CUL4A: variants seen among roughly 807,000 people sequenced by gnomAD.
The protein encoded by CUL4A is cullin-4A.
CUL4A carries 16 observed loss-of-function variants against 95.5 expected under a neutral mutation model. That is an observed-to-expected ratio of 0.17 (90% CI 0.11 to 0.25). The LOEUF (loss-of-function observed/expected upper bound fraction) is 0.25, where lower values mean the gene tolerates loss of function less well. Among genes scored for constraint, CUL4A ranks in the 10% least tolerant of loss-of-function variants. The pLI is 1.00. For synonymous variants in CUL4A, 380 were observed against 353.1 expected (o/e 1.08, Z -0.85); for missense variants, 610 against 937.0 (o/e 0.65, Z 4.56).
upstream of CUL4A, chr13:113,208,725 C>A: frequency 6.7e-6 from 10 of 1,500,630 alleles, no homozygotes; most frequent in South Asian, 9.9e-5. Flanking sequence ...TGGGTCCTGG[C>A]GCCCCCGGCC....
intron 15 of CUL4A, among the ~76,000 whole-genome samples, chr13:113,247,112 G>C (rs992801807): frequency 6.6e-6 from 1 of 152,076 alleles, no homozygotes; most frequent in Non-Finnish European, 1.5e-5. Flanking sequence ...GGTGGGGGAA[G>C]GTCCCAGACT....
chr13:113,225,060 T>C (rs1244588237), intron 3 of CUL4A, among the ~76,000 whole-genome samples: 1 of 152,054 alleles, frequency 6.6e-6, no homozygotes, highest in Admixed American at 6.5e-5. Flanking sequence ...GTTACAGATA[T>C]GATAGGTAGG....
At chr13:113,255,656 T>C (rs1480773462) in intron 18 of CUL4A, among the ~76,000 whole-genome samples, 1 of 152,176 alleles carries the variant, frequency 6.6e-6, no homozygotes, top group Non-Finnish European at 1.5e-5. Context: ...GTTGGAGTCA[T>C]AGTGTATATA....
At chr13:113,251,282 G>A (rs1023140165) in intron 15 of CUL4A, among the ~76,000 whole-genome samples, 5 of 152,244 alleles carry the variant, frequency 3.3e-5, no homozygotes, top group African/African-American at 9.6e-5. Context: ...AAGAAACCAC[G>A]TGTGTGAAAG....
intron 2 of CUL4A, among the ~76,000 whole-genome samples, chr13:113,213,273 A>G (rs1371352433): frequency 6.6e-6 from 1 of 152,164 alleles, no homozygotes; most frequent in Non-Finnish European, 1.5e-5. Context: ...CTGTAGTCCC[A>G]GCTACTCAGG....
At position 113,237,304 on chromosome 13, in the gene CUL4A, G is replaced by C. The variant is rs148393441; in HGVS notation, c.916+414G>C. Among the ~76,000 whole-genome samples the C allele has an allele frequency of 9.6e-3, 1,462 of 152,314 alleles. 25 individuals carry two copies. The highest frequency in any genetic ancestry group is 0.034 in the African/African-American group (1,409 of 41,560). ...TTTTCGTGAGGCTTCCCTCACCTGC[G>C]GACTTCGTGCATCTTAGTGTCAGAT... On this transcript the variant is annotated intron_variant, in intron 9 of 19. Coordinates refer to ENST00000375440, the MANE Select transcript of CUL4A (RefSeq NM_001008895.4).
intron 15 of CUL4A, among the ~76,000 whole-genome samples, chr13:113,251,375 C>T (rs1411965076): frequency 6.6e-6 from 1 of 152,200 alleles, no homozygotes; most frequent in Non-Finnish European, 1.5e-5. Context: ...CAGGCCAGGT[C>T]TGTGAGATCA....
chr13:113,241,007 A>T (rs1430205523), intron 10 of CUL4A, among the ~76,000 whole-genome samples: 1 of 152,248 alleles, frequency 6.6e-6, no homozygotes, highest in Non-Finnish European at 1.5e-5. Context: ...AATAAAAAAG[A>T]TAAAGCTTAC....
At chr13:113,234,861 T>C (rs887402080) in intron 7 of CUL4A, among the ~76,000 whole-genome samples, 2 of 152,180 alleles carry the variant, frequency 1.3e-5, no homozygotes, top group Non-Finnish European at 2.9e-5. Context: ...AGGATGGATG[T>C]TAATATCAGC....
At chr13:113,250,451 C>T (rs1048052114) in intron 15 of CUL4A, among the ~76,000 whole-genome samples, 1 of 151,960 alleles carries the variant, frequency 6.6e-6, no homozygotes, top group Non-Finnish European at 1.5e-5. Flanking sequence ...GATCCGAGAC[C>T]GTGTCTCAAA....
intron 5 of CUL4A, 42 bp from the exon 6 acceptor site, chr13:113,233,135 A>G: frequency 3.1e-6 from 5 of 1,588,150 alleles, no homozygotes; most frequent in Non-Finnish European, 4.3e-6. Context: ...ACTTCTAAAA[A>G]GCGAAACTAA....
In CUL4A at chr13:113,233,317, T is replaced by A; in HGVS notation, c.653T>A (p.Leu218Gln). The A allele has an allele frequency of 6.2e-7, 1 of 1,613,066 alleles. No individual in the cohort carries two copies. Among genetic ancestry groups the A allele is most frequent in the East Asian group, 2.2e-5 (1 of 44,884 alleles). The change falls in exon 6 of 20, where the codon CTG becomes CAG. Residue 218 changes from leucine to glutamine, a missense_variant. Physicochemically the swap from Leu to Gln is moderately radical, Grantham distance 113 (BLOSUM62 -2). Transcript: ENST00000375440. Reference protein sequence around the residue: ...AVDRSLLRSLLGMLSDLQVYK... With the variant: ...AVDRSLLRSLQGMLSDLQVYK... ...GACCGGAGCCTGTTGCGGAGCCTCC[T>A]GGGCATGCTGTCTGACCTGCAGGTG...
At chr13:113,224,108 T>C (rs1414806451) in intron 3 of CUL4A, among the ~76,000 whole-genome samples, 1 of 152,168 alleles carries the variant, frequency 6.6e-6, no homozygotes, top group Non-Finnish European at 1.5e-5. Flanking sequence ...ATCCCAGTAC[T>C]TTGGGAGGCC....
intron 16 of CUL4A, among the ~76,000 whole-genome samples, chr13:113,254,129 G>A (rs1399098678): frequency 3.3e-5 from 5 of 152,048 alleles, no homozygotes; most frequent in Non-Finnish European, 5.9e-5. Context: ...GCTTGTTATG[G>A]GCTTGTGATG....
Position 113,232,079 on chromosome 13 carries a change from C to CGCCCACCACCATTACTGCCACCACTACCT in CUL4A, c.513-1081_513-1080insCCACCACTACCTGCCCACCACCATTACTG, listed in dbSNP as rs1566343079. On this transcript the variant is annotated intron_variant, in intron 5 of 19. Coordinates refer to ENST00000375440, the MANE Select transcript of CUL4A (RefSeq NM_001008895.4). ...CACCACCATTACTGTCACCACTACC[C>CGCCCACCACCATTACTGCCACCACTACCT]GCCCACCACCATTACTGTCACCACT... is the stretch of plus-strand genomic sequence containing the variant. Among the ~76,000 whole-genome samples, 7 of 20,052 alleles carry CGCCCACCACCATTACTGCCACCACTACCT rather than the reference C, an allele frequency of 3.5e-4. 1 individual carries two copies. The highest frequency in any genetic ancestry group is 6.3e-4 in the African/African-American group (6 of 9,594). 13.2% of individuals were successfully genotyped at this position (20,052 alleles called of 152,430 possible).
chr13:113,233,008 T>C, intron 5 of CUL4A, 169 bp from the exon 6 acceptor site: 1 of 685,766 alleles, frequency 1.5e-6, no homozygotes, highest in African/African-American at 1.8e-5. Flanking sequence ...CAAGGCGCGC[T>C]AGACTGGCTG....
rs1428066384 is a variant in CUL4A at position 113,239,285 on chromosome 13, C to T, written c.917-148C>T. The T allele has an allele frequency of 5.6e-6, 4 of 712,252 alleles. No individual in the cohort carries two copies. In the East Asian group the frequency reaches 8.0e-5, roughly 14 times the overall value. The allele number at this position is 712,252 out of a possible 1,614,324, so 44.1% of individuals were successfully genotyped here. A position where few individuals can be genotyped will look rare whatever the true frequency, so the allele number is the denominator to read the frequency against. On this transcript the variant is annotated intron_variant, in intron 9 of 19. Transcript: ENST00000375440. The stretch of plus-strand genomic sequence containing the variant: ...ATCCATCTCACATATTTAACCAGAT[C>T]AACCTGCTCATGTAGAGGCAGCGAT...
In CUL4A at chr13:113,266,287, G is replaced by A. The variant is rs2042394925; in HGVS notation, c.*2705G>A. ...TCCTACCTCAGCCTCCCCAAATGCT[G>A]GGATTACAGGCATGAGACACTGCAC... is the stretch of plus-strand genomic sequence containing the variant. On this transcript the variant is annotated 3_prime_UTR_variant, in exon 20 of 20. Coordinates refer to ENST00000375440, the MANE Select transcript of CUL4A (RefSeq NM_001008895.4). 6.6e-6 allele frequency: 1 copy of A among 152,120 alleles called. No individual in the cohort carries two copies. Among genetic ancestry groups the A allele is most frequent in the South Asian group, 2.1e-4 (1 of 4,828 alleles). 9.4% of individuals were successfully genotyped at this position (152,120 alleles called of 1,614,324 possible).
In CUL4A at chr13:113,210,097, G is replaced by C; in HGVS notation, c.264+9G>C. ...TCGAGGAGCTCTACCAGGTGAGGCG[G>C]CGGCCGGGGCTGGGGACGCCGCTCC... On this transcript the variant is annotated intron_variant, in intron 2 of 19. Transcript: ENST00000375440. 1 of 1,488,216 alleles carries C rather than the reference G, an allele frequency of 6.7e-7. No individual in the cohort carries two copies. Among genetic ancestry groups the C allele is most frequent in the Non-Finnish European group, 9.0e-7 (1 of 1,117,160 alleles). 92.2% of individuals were successfully genotyped at this position (1,488,216 alleles called of 1,614,324 possible). A position where few individuals can be genotyped will look rare whatever the true frequency, so the allele number is the denominator to read the frequency against.
Sources: allele counts gnomAD v4.1 joint callset (sites outside exome capture counted in the v4.1 genomes callset), GRCh38; gene constraint gnomAD v4.1.1; transcripts MANE v1.5; gene names NCBI Gene and HGNC (gene_info 2026-07-23, HGNC 2026-07-21).